The following RAB11FIP4 variants were observed in gnomAD, a reference collection of about 807,000 sequenced individuals.
The protein encoded by RAB11FIP4 is RAB11 family interacting protein 4, also known as rab11 family-interacting protein 4.
A neutral mutation model predicts 74.3 loss-of-function variants in RAB11FIP4; 23 were observed. The ratio of observed to expected loss-of-function variants is 0.31; its 90% confidence interval spans 0.22 to 0.44. The LOEUF (loss-of-function observed/expected upper bound fraction) is 0.44, where lower values mean the gene tolerates loss of function less well. Among genes scored for constraint, RAB11FIP4 ranks in the 20% least tolerant of loss-of-function variants. RAB11FIP4 has a pLI of 1.00. For missense variants in RAB11FIP4, 630 were observed against 863.9 expected (o/e 0.73, Z 3.39); for synonymous variants, 360 against 359.9 (o/e 1.00, Z 0.00).
intron 3 of RAB11FIP4, among the ~76,000 whole-genome samples, chr17:31,498,977 G>A (rs1226952914): frequency 6.6e-6 from 1 of 152,172 alleles, no homozygotes; most frequent in African/African-American, 2.4e-5. Context: ...GCCACATCTT[G>A]AAAAGCTATA....
At chr17:31,524,407 A>G in intron 9 of RAB11FIP4, 1 of 194,588 alleles carries the variant, frequency 5.1e-6, no homozygotes, top group Non-Finnish European at 1.1e-5. Context: ...AGGTCCCCTG[A>G]GCCTGCCGTT....
At chr17:31,478,398 G>C (rs1273188523) in intron 3 of RAB11FIP4, among the ~76,000 whole-genome samples, 2 of 152,136 alleles carry the variant, frequency 1.3e-5, no homozygotes, top group Non-Finnish European at 2.9e-5. Context: ...CTGATCCCTT[G>C]TGTTGTTAAA....
chr17:31,486,704 A>T (rs144661482), intron 3 of RAB11FIP4, among the ~76,000 whole-genome samples: 7 of 152,326 alleles, frequency 4.6e-5, no homozygotes, highest in African/African-American at 1.7e-4. Context: ...ATACTTTCCG[A>T]GGAGAGGGCT....
chr17:31,524,858 C>A, intron 9 of RAB11FIP4: 1 of 607,196 alleles, frequency 1.6e-6, no homozygotes, highest in East Asian at 2.8e-5. Context: ...CTGTGCTGCC[C>A]TGAGCGCCCC....
chr17:31,423,349 G>A (rs1246584702), intron 1 of RAB11FIP4, among the ~76,000 whole-genome samples: 1 of 152,094 alleles, frequency 6.6e-6, no homozygotes. Context: ...TCTGAAGAAT[G>A]TCAGTTTTTT....
At chr17:31,402,598 T>TTTTTTTTATTTATTTA (rs1555541191) in intron 1 of RAB11FIP4, among the ~76,000 whole-genome samples, 7 of 142,804 alleles carry the variant, frequency 4.9e-5, no homozygotes, top group South Asian at 4.5e-4. Flanking sequence ...TTTTATTTAT[T>TTTTTTTTATTTATTTA]TTTATTTATT....
Position 31,472,439 on chromosome 17 carries a change from G to A in RAB11FIP4, c.336+38317G>A, listed in dbSNP as rs566962096. 3.3e-3 allele frequency among the ~76,000 whole-genome samples: 496 copies of A among 152,226 alleles called. 3 individuals carry two copies. The highest frequency in any genetic ancestry group is 0.011 in the African/African-American group (463 of 41,554). On this transcript the variant is annotated intron_variant, in intron 3 of 14. Transcript: ENST00000621161. ...TCATAAAGGCTTCATTCAGAGACAC[G>A]GCCACAGGCGGCCCCAGCGCTCACC...
chr17:31,444,124 T>G (rs924282675), intron 3 of RAB11FIP4, among the ~76,000 whole-genome samples: 20 of 152,188 alleles, frequency 1.3e-4, no homozygotes, highest in Middle Eastern at 3.2e-3. Flanking sequence ...CTCGCTTCAT[T>G]TCATCCATCC....
intron 1 of RAB11FIP4, among the ~76,000 whole-genome samples, chr17:31,422,670 C>A (rs1003428816): frequency 8.6e-5 from 13 of 152,010 alleles, no homozygotes; most frequent in African/African-American, 3.1e-4. Flanking sequence ...ACTGTGATTT[C>A]CGTTCTGCTA....
In RAB11FIP4 at chr17:31,481,504, A is replaced by C. The variant is rs578075732; in HGVS notation, c.337-36147A>C. ...CAGGGTGGGACCTCTGTGCTGCCCAAGTCTGGGAGGAGGTGGGGAGGGTGA... is the reference window on the plus strand; with the variant it reads ...CAGGGTGGGACCTCTGTGCTGCCCACGTCTGGGAGGAGGTGGGGAGGGTGA... On this transcript the variant is annotated intron_variant, in intron 3 of 14. Transcript: ENST00000621161. Among the ~76,000 whole-genome samples the C allele has an allele frequency of 3.3e-5, 5 of 152,254 alleles. No homozygotes were observed. The East Asian group carries it at 9.6e-4, about 29-fold the overall frequency.
intron 3 of RAB11FIP4, among the ~76,000 whole-genome samples, chr17:31,493,740 A>T (rs1284781736): frequency 6.6e-6 from 1 of 151,774 alleles, no homozygotes; most frequent in African/African-American, 2.4e-5. Flanking sequence ...TGGACAGGCG[A>T]CCTCACCCTT....
intron 3 of RAB11FIP4, among the ~76,000 whole-genome samples, chr17:31,438,673 T>G (rs983779928): frequency 6.6e-6 from 1 of 152,140 alleles, no homozygotes; most frequent in Non-Finnish European, 1.5e-5. Flanking sequence ...CTCACCATGG[T>G]GCATCTCACA....
intron 3 of RAB11FIP4, among the ~76,000 whole-genome samples, chr17:31,457,066 C>T (rs1019236528): frequency 3.9e-5 from 6 of 152,086 alleles, no homozygotes; most frequent in Non-Finnish European, 8.8e-5. Context: ...ACCTGTCCTC[C>T]GGAGGGCTGT....
chr17:31,466,835 G>T (rs1226516202), intron 3 of RAB11FIP4, among the ~76,000 whole-genome samples: 1 of 152,154 alleles, frequency 6.6e-6, no homozygotes, highest in Admixed American at 6.5e-5. Context: ...CCCTAATGGG[G>T]ACCCAGGGAT....
intron 3 of RAB11FIP4, among the ~76,000 whole-genome samples, chr17:31,476,854 T>C (rs2071798426): frequency 6.6e-6 from 1 of 152,158 alleles, no homozygotes; most frequent in African/African-American, 2.4e-5. Context: ...CACCTTTGGT[T>C]TTCCTTTGCC....
intron 7 of RAB11FIP4, 48 bp from the exon 8 acceptor site, chr17:31,523,464 G>C: frequency 6.8e-7 from 1 of 1,477,040 alleles, no homozygotes; most frequent in Non-Finnish European, 9.5e-7. Flanking sequence ...GTAGGCCCCT[G>C]TCTCTGGAAG....
At chr17:31,519,561 G>A (rs2072624506) in intron 4 of RAB11FIP4, among the ~76,000 whole-genome samples, 2 of 152,136 alleles carry the variant, frequency 1.3e-5, no homozygotes, top group African/African-American at 2.4e-5. Context: ...TGAGGAAGCC[G>A]AGGGGGTTGC....
At chr17:31,530,569 T>C in intron 14 of RAB11FIP4, 100 bp downstream of exon 14, 1 of 1,456,684 alleles carries the variant, frequency 6.9e-7, no homozygotes, top group Non-Finnish European at 9.3e-7. Flanking sequence ...GACCAGGGCC[T>C]GGCAGAGAGT....
chr17:31,413,966 T>G (rs1597903931), intron 1 of RAB11FIP4, among the ~76,000 whole-genome samples: 1 of 152,206 alleles, frequency 6.6e-6, no homozygotes, highest in Non-Finnish European at 1.5e-5. Flanking sequence ...GGTTCACGGG[T>G]GTCCGCAGCT....
Sources: allele counts gnomAD v4.1 joint callset (sites outside exome capture counted in the v4.1 genomes callset), GRCh38; gene constraint gnomAD v4.1.1; transcripts MANE v1.5; gene names NCBI Gene and HGNC (gene_info 2026-07-23, HGNC 2026-07-21).